HECTD4: variants seen among roughly 807,000 people sequenced by gnomAD.
The protein encoded by HECTD4 is HECT domain E3 ubiquitin protein ligase 4, also known as probable E3 ubiquitin-protein ligase HECTD4.
In HECTD4, 114 loss-of-function variants were observed where a neutral mutation model predicts 471.5. The ratio of observed to expected loss-of-function variants is 0.24; its 90% CI spans 0.21 to 0.28. The LOEUF is 0.28. HECTD4 is among the 10% of genes least tolerant of loss of function. HECTD4 has a pLI of 1.00. For missense variants in HECTD4, 3,866 were observed against 5,651.5 expected, an observed-to-expected ratio of 0.68 and a Z score of 10.13; for synonymous variants, 2,012 against 2,256.0, an observed-to-expected ratio of 0.89 and a Z score of 3.07.
intron 1 of HECTD4, among the ~76,000 whole-genome samples, chr12:112,373,526 C>CAAACA (rs1443031345): frequency 1.3e-5 from 2 of 151,932 alleles, no homozygotes; most frequent in African/African-American, 2.4e-5. Flanking sequence ...CATTTCAAAA[C>CAAACA]AAACAAAACA....
chr12:112,344,747 C>T (rs1181703227), intron 1 of HECTD4, among the ~76,000 whole-genome samples: 2 of 151,720 alleles, frequency 1.3e-5, no homozygotes, highest in Non-Finnish European at 2.9e-5. Flanking sequence ...GGTGAAACCC[C>T]GTCTCTATTA....
rs559897329 is a variant in HECTD4 at position 112,364,606 on chromosome 12, G to A, written c.177+17346C>T. ...TAGCCAGCCGTGGTGGCATGGGCCT[G>A]TAGCCCCAGCTACTCTAGAGGCTGA... is the stretch of plus-strand genomic sequence containing the variant. On this transcript the variant is annotated intron_variant, in intron 1 of 75. Coordinates refer to ENST00000682272, the MANE Select transcript of HECTD4 (RefSeq NM_001388303.1). 1.1e-3 allele frequency among the ~76,000 whole-genome samples: 169 copies of A among 152,044 alleles called. 1 individual carries two copies. Among genetic ancestry groups the A allele is most frequent in the Non-Finnish European group, 2.0e-3 (133 of 67,990 alleles).
chr12:112,295,813 A>T (rs1254487052), intron 7 of HECTD4, among the ~76,000 whole-genome samples: 1 of 145,372 alleles, frequency 6.9e-6, no homozygotes, highest in Admixed American at 6.7e-5. Flanking sequence ...AAAAAAAAAT[A>T]TATATATATA....
Position 112,184,084 on chromosome 12 carries a change from C to A in HECTD4, c.10779+103G>T. 1 of 1,203,964 alleles carries A rather than the reference C, an allele frequency of 8.3e-7. No individual in the cohort carries two copies. The highest frequency in any genetic ancestry group is 1.2e-6 in the Non-Finnish European group (1 of 852,324). 74.6% of individuals were successfully genotyped at this position (1,203,964 alleles called of 1,614,324 possible). On this transcript the variant is annotated intron_variant, in intron 61 of 75. Coordinates refer to ENST00000682272, the MANE Select transcript of HECTD4 (RefSeq NM_001388303.1). The surrounding 1 kb of genome is among the most constrained non-coding windows in gnomAD (Gnocchi z 9.1). The stretch of plus-strand genomic sequence containing the variant: ...GGCTGCCCCAGGGAGCCCCCAACCG[C>A]TCCACCATTACCTACTAGGAAATAA...
Position 112,288,057 on chromosome 12 carries a change from G to A in HECTD4, c.1336-4755C>T, listed in dbSNP as rs140386414. ...AGAAAGCAAGTTGCTGGCCAGGCAC[G>A]GTGGCTCATGCCTGTAATCCCAGCA... On this transcript the variant is annotated intron_variant, in intron 7 of 75. Coordinates refer to ENST00000682272, the MANE Select transcript of HECTD4 (RefSeq NM_001388303.1). Among the ~76,000 whole-genome samples the A allele has an allele frequency of 7.5e-3, 1,144 of 151,544 alleles. 14 individuals carry two copies. Among genetic ancestry groups the A allele is most frequent in the African/African-American group, 0.025 (1,050 of 41,236 alleles).
At chr12:112,212,688 C>G (rs1008304498) in intron 48 of HECTD4, 38 bp from the exon 49 acceptor site, 1 of 1,547,882 alleles carries the variant, frequency 6.5e-7, no homozygotes, top group African/African-American at 1.4e-5. Flanking sequence ...TATTTTCTCC[C>G]TTTTATTAAG....
At chr12:112,276,611 C>A (rs918294716) in intron 9 of HECTD4, among the ~76,000 whole-genome samples, 1 of 152,082 alleles carries the variant, frequency 6.6e-6, no homozygotes, top group Non-Finnish European at 1.5e-5. Flanking sequence ...CCACGCCCAG[C>A]TAATTTTTGT....
Position 112,204,605 on chromosome 12 carries a change from C to T in HECTD4, c.8150G>A (p.Arg2717Gln), listed in dbSNP as rs1566071313. Residue 2717 changes from arginine to glutamine, a missense_variant, in exon 53 of 76, where the codon CGA becomes CAA. This residue lies in a region of HECTD4 where 266 missense variants were observed against 441.6 expected (regional missense o/e 0.60). Coordinates refer to ENST00000682272, the MANE Select transcript of HECTD4 (RefSeq NM_001388303.1). ...TTCGTAGAGAAATTCAACCGTCTGTCGGGCAATATCCACCATACCTAAAAA... is the reference window on the plus strand; with the variant it reads ...TTCGTAGAGAAATTCAACCGTCTGTTGGGCAATATCCACCATACCTAAAAA... Reference protein sequence around the residue: ...ALQLGMVDIARQTVEFLYEEN... With the variant: ...ALQLGMVDIAQQTVEFLYEEN... The T allele has an allele frequency of 2.5e-6, 4 of 1,613,320 alleles. No homozygotes were observed. Among genetic ancestry groups the T allele is most frequent in the Middle Eastern group, 1.7e-4 (1 of 6,060 alleles).
At chr12:112,318,505 C>G (rs945477674) in intron 2 of HECTD4, among the ~76,000 whole-genome samples, 3 of 151,974 alleles carry the variant, frequency 2.0e-5, no homozygotes, top group African/African-American at 7.3e-5. Context: ...CTCCAGGTAG[C>G]TGGGATTACA....
rs928031250 is a variant in HECTD4, at chr12:112,319,545, G to A, written c.375C>T (p.Ala125=). The change falls in exon 2 of 76, where the codon GCC becomes GCT. Residue 125 remains alanine (A), a synonymous_variant. Coordinates refer to ENST00000682272, the MANE Select transcript of HECTD4 (RefSeq NM_001388303.1). The surrounding 1 kb of genome is among the most constrained non-coding windows in gnomAD (Gnocchi z 5.3). The part of the protein sequence containing the change: ...RESSGDEETL[A]LLKRQGLLQQ... ...GCAACAAGCCCTGGCGTTTGAGCAG[G>A]GCCAAAGTTTCCTCATCACCTGAAC... 2 of 1,441,840 alleles carry A rather than the reference G, an allele frequency of 1.4e-6. No homozygotes were observed. The highest frequency in any genetic ancestry group is 1.8e-6 in the Non-Finnish European group (2 of 1,103,528). 89.3% of individuals were successfully genotyped at this position (1,441,840 alleles called of 1,614,324 possible).
chr12:112,325,399 C>G (rs1257007812), intron 1 of HECTD4, among the ~76,000 whole-genome samples: 1 of 152,138 alleles, frequency 6.6e-6, no homozygotes, highest in African/African-American at 2.4e-5. Flanking sequence ...TTTCAGGGGC[C>G]CCTTATGAAA....
intron 2 of HECTD4, among the ~76,000 whole-genome samples, chr12:112,318,684 C>G (rs1040035709): frequency 5.9e-5 from 9 of 152,138 alleles, no homozygotes; most frequent in Non-Finnish European, 1.2e-4. Flanking sequence ...ATGTGTACTA[C>G]TATTAAATCT....
chr12:112,251,209 T>C, intron 23 of HECTD4, 75 bp from the exon 24 acceptor site: 6 of 1,433,218 alleles, frequency 4.2e-6, no homozygotes, highest in Non-Finnish European at 5.7e-6. Flanking sequence ...TGCCCCACAC[T>C]GCACTGTCCC....
chr12:112,222,523 C>T (rs1593947204), intron 44 of HECTD4, among the ~76,000 whole-genome samples: 1 of 152,216 alleles, frequency 6.6e-6, no homozygotes, highest in South Asian at 2.1e-4. Context: ...AAAAATTATC[C>T]ACGTGTGGTG....
chr12:112,352,097 T>C (rs1236741494), intron 1 of HECTD4, among the ~76,000 whole-genome samples: 1 of 152,206 alleles, frequency 6.6e-6, no homozygotes, highest in African/African-American at 2.4e-5. Flanking sequence ...TAAGAAGCTT[T>C]TGCTTTTTAA....
rs1369888553 is a variant in HECTD4, at chr12:112,216,283, TG to T, written c.7465+8del. The stretch of plus-strand genomic sequence containing the variant: ...TCACACAGGGTGGAAAAGCTCCCAC[TG>T]CACTCACCGGGGGAGAGAGTCACGT... On this transcript the variant is annotated splice_region_variant and intron_variant, in intron 48 of 75. Coordinates refer to ENST00000682272, the MANE Select transcript of HECTD4 (RefSeq NM_001388303.1). The T allele has an allele frequency of 6.5e-7, 1 of 1,535,562 alleles. No homozygotes were observed. The highest frequency in any genetic ancestry group is 2.4e-5 in the East Asian group (1 of 40,958).
At position 112,306,064 on chromosome 12, in the gene HECTD4, C is replaced by T. The variant is rs536769265; in HGVS notation, c.1335G>A (p.Val445=). 6 of 1,591,308 alleles carry T rather than the reference C, an allele frequency of 3.8e-6. No individual in the cohort carries two copies. In the South Asian group the frequency reaches 5.8e-5, roughly 15 times the overall value. The change falls in exon 7 of 76, where the codon GTG becomes GTA. Residue 445 remains valine (V), a splice_region_variant and synonymous_variant. Coordinates refer to ENST00000682272, the MANE Select transcript of HECTD4 (RefSeq NM_001388303.1). ...TACAAGCGAGAAAGTTCAAACTTAC[C>T]ACAAGTTCAAAAATGTCCATGAAGA... ...HSVFMDIFEL[V]VENGVFVANP...
At position 112,163,306 on chromosome 12, in the gene HECTD4, A is replaced by G. The variant is rs1213267677; in HGVS notation, c.12898-42T>C. On this transcript the variant is annotated intron_variant, in intron 74 of 75. Transcript: ENST00000682272. The surrounding 1 kb of genome is among the most constrained non-coding windows in gnomAD (Gnocchi z 8.2). ...CAGGTGTCAGGAGCCCTGGAGCCCC[A>G]CCTACCCAGTGCCTCCCCAGCCCTG... The G allele has an allele frequency of 1.3e-6, 2 of 1,550,658 alleles. No homozygotes were observed. Among genetic ancestry groups the G allele is most frequent in the South Asian group, 2.4e-5 (2 of 83,684 alleles).
At chr12:112,182,679 G>A (rs1405463527) in intron 62 of HECTD4, among the ~76,000 whole-genome samples, 1 of 152,272 alleles carries the variant, frequency 6.6e-6, no homozygotes, top group Non-Finnish European at 1.5e-5. Context: ...CCACATTCAA[G>A]CCTGTTGCAG....
Sources: gnomAD v4.1 joint callset for allele counts (sites outside exome capture counted in the v4.1 genomes callset) on GRCh38, gnomAD v4.1.1 for gene constraint, gnomAD v4.1.1 regional missense constraint, Gnocchi (gnomAD v3.1) non-coding constraint, MANE v1.5 for transcripts, NCBI Gene and HGNC (gene_info 2026-07-23, HGNC 2026-07-21) for gene names.